Variants in RPS6KC1 observed in about 807,000 individuals in gnomAD.
The protein encoded by RPS6KC1 is ribosomal protein S6 kinase C1, also known as inactive ribosomal protein S6 kinase delta-1.
Under a neutral mutation model 103.8 loss-of-function variants are expected in RPS6KC1, and 54 were observed. The observed-to-expected ratio is 0.52, with a 90% confidence interval of 0.42 to 0.65. The LOEUF is 0.65. RPS6KC1 is among the 30% of genes least tolerant of loss of function. The pLI, the probability that RPS6KC1 is intolerant of heterozygous loss-of-function variation, is 0.00. For missense variants in RPS6KC1, 1,151 were observed against 1,253.8 expected (o/e 0.92, Z 1.24); for synonymous variants, 439 against 438.7 (o/e 1.00, Z -0.01).
the RPS6KC1 span, among the ~76,000 whole-genome samples, chr1:213,602,024 CTTTCTCTTTCTCTTT>C: frequency 8.3e-5 from 2 of 23,976 alleles, no homozygotes; most frequent in African/African-American, 2.5e-4. Context: ...TTCTTTCTTT[CTTTCTCTTTCTCTTT>C]CTTTCTTTCT....
the RPS6KC1 span, among the ~76,000 whole-genome samples, chr1:213,588,139 A>G: frequency 6.6e-6 from 1 of 152,020 alleles, no homozygotes; most frequent in African/African-American, 2.4e-5. Context: ...ACGGTGGCAC[A>G]GTCATAGCTC....
the RPS6KC1 span, among the ~76,000 whole-genome samples, chr1:213,283,602 C>T: frequency 6.6e-5 from 10 of 152,282 alleles, no homozygotes; most frequent in East Asian, 1.9e-3. Flanking sequence ...GTTTTGCCCA[C>T]TCTAACACCT....
the RPS6KC1 span, among the ~76,000 whole-genome samples, chr1:213,395,005 G>C: frequency 6.6e-6 from 1 of 152,200 alleles, no homozygotes; most frequent in African/African-American, 2.4e-5. Flanking sequence ...GTTCTTCCCA[G>C]TTCTCTAGCA....
At chr1:213,447,485 T>A in the RPS6KC1 span, among the ~76,000 whole-genome samples, 1 of 152,190 alleles carries the variant, frequency 6.6e-6, no homozygotes, top group African/African-American at 2.4e-5. Context: ...GTAATCAATA[T>A]AAATATTTTT....
chr1:213,545,433 A>AATAAAAAAG, the RPS6KC1 span, among the ~76,000 whole-genome samples: 2 of 52,960 alleles, frequency 3.8e-5, no homozygotes, highest in South Asian at 8.8e-4. Flanking sequence ...AATAAAATAA[A>AATAAAAAAG]AGAGAGAGAG....
chr1:213,281,818 A>C, the RPS6KC1 span, among the ~76,000 whole-genome samples: 1 of 151,942 alleles, frequency 6.6e-6, no homozygotes, highest in Non-Finnish European at 1.5e-5. Flanking sequence ...TGCCAAAACA[A>C]CTCGCTGGGT....
At chr1:213,308,316 G>GGAA in the RPS6KC1 span, among the ~76,000 whole-genome samples, 1 of 55,852 alleles carries the variant, frequency 1.8e-5, no homozygotes, top group Non-Finnish European at 3.9e-5. Flanking sequence ...CCTGTCTCCA[G>GGAA]AAAAAAAAAA....
chr1:213,670,295 G>GCTA, the RPS6KC1 span, among the ~76,000 whole-genome samples: 23 of 152,198 alleles, frequency 1.5e-4, no homozygotes, highest in Non-Finnish European at 3.1e-4. Flanking sequence ...TGGGATCTGG[G>GCTA]CTACTGCTCA....
rs1035172124 is a variant in RPS6KC1 at position 213,274,574 on chromosome 1, T to G, written c.*1940T>G. ...ACATCATTCATAATTAGAATGGACA[T>G]TAATTATTTTAGTAATAAACACAGG... On this transcript the variant is annotated 3_prime_UTR_variant, in exon 15 of 15. Transcript: ENST00000366960. 3 of 152,200 alleles carry G rather than the reference T, an allele frequency of 2.0e-5. No homozygotes were observed. Among genetic ancestry groups the G allele is most frequent in the Admixed American group, 2.0e-4 (3 of 15,286 alleles). The allele number at this position is 152,200 out of a possible 1,614,324, so 9.4% of individuals were successfully genotyped here.
the RPS6KC1 span, among the ~76,000 whole-genome samples, chr1:213,507,702 A>G: frequency 6.6e-6 from 1 of 152,128 alleles, no homozygotes; most frequent in Non-Finnish European, 1.5e-5. Flanking sequence ...ACATTGCACA[A>G]TAGCTGTCTC....
At chr1:213,734,888 G>C in the RPS6KC1 span, among the ~76,000 whole-genome samples, 1 of 149,772 alleles carries the variant, frequency 6.7e-6, no homozygotes, top group South Asian at 2.2e-4. Context: ...CTGTAATTGA[G>C]AAGTCAAGTG....
chr1:213,329,297 G>A, the RPS6KC1 span, among the ~76,000 whole-genome samples: 1 of 152,112 alleles, frequency 6.6e-6, no homozygotes, highest in African/African-American at 2.4e-5. Flanking sequence ...AGATTTATTG[G>A]GAGTGGGAAG....
the RPS6KC1 span, among the ~76,000 whole-genome samples, chr1:213,505,524 G>T: frequency 2.2e-3 from 335 of 152,306 alleles, 2 homozygotes; most frequent in South Asian, 9.3e-3. Context: ...CAGAACTTCA[G>T]GTTTTTGTTG....
the RPS6KC1 span, chr1:213,841,177 T>C: frequency 6.6e-6 from 1 of 152,222 alleles, no homozygotes; most frequent in African/African-American, 2.4e-5. Flanking sequence ...TCTACTGTGA[T>C]GGTCACATGA....
At chr1:213,662,016 A>G in the RPS6KC1 span, among the ~76,000 whole-genome samples, 2 of 152,184 alleles carry the variant, frequency 1.3e-5, no homozygotes, top group Non-Finnish European at 2.9e-5. Context: ...TGAAATTTCT[A>G]AGAAAACATT....
the RPS6KC1 span, among the ~76,000 whole-genome samples, chr1:213,350,010 CTCTTT>C: frequency 1.7e-4 from 26 of 152,258 alleles, no homozygotes; most frequent in East Asian, 5.0e-3. Flanking sequence ...GGTCTGAATA[CTCTTT>C]TTAAGTCCCT....
chr1:213,409,159 C>G, the RPS6KC1 span, among the ~76,000 whole-genome samples: 1 of 152,230 alleles, frequency 6.6e-6, no homozygotes, highest in South Asian at 2.1e-4. Context: ...CTTTCCAGGG[C>G]AGGTCCCACG....
chr1:213,258,119 C>T (rs1186716000), intron 12 of RPS6KC1, among the ~76,000 whole-genome samples: 2 of 152,056 alleles, frequency 1.3e-5, no homozygotes, highest in African/African-American at 2.4e-5. Flanking sequence ...GTAGCTGGGA[C>T]TACAGATGCG....
chr1:213,250,215 AT>A (rs2094522679), intron 12 of RPS6KC1, among the ~76,000 whole-genome samples: 1 of 152,180 alleles, frequency 6.6e-6, no homozygotes, highest in African/African-American at 2.4e-5. Context: ...AGCACCACAT[AT>A]CCCCTGTCAC....
Sources: gnomAD v4.1 joint callset for allele counts (sites outside exome capture counted in the v4.1 genomes callset) on GRCh38, gnomAD v4.1.1 for gene constraint, MANE v1.5 for transcripts, NCBI Gene and HGNC (gene_info 2026-07-23, HGNC 2026-07-21) for gene names.